ZNF385D: variants seen among roughly 807,000 people sequenced by gnomAD.
ZNF385D encodes the protein zinc finger protein 385D, also known as zinc finger protein 659.
Under a neutral mutation model 35.8 loss-of-function variants are expected in ZNF385D, and 15 were observed. The observed-to-expected ratio is 0.42, with a 90% CI of 0.28 to 0.64. The LOEUF is 0.64. ZNF385D is among the 30% of genes least tolerant of loss of function. ZNF385D has a pLI of 0.23. For missense variants in ZNF385D, 474 were observed against 494.6 expected (o/e 0.96, Z 0.39); for synonymous variants, 212 against 186.8 (o/e 1.13, Z -1.10).
chr3:21,564,707 C>A (rs762546800), intron 2 of ZNF385D, 23 bp from the exon 3 acceptor site: 20 of 1,431,732 alleles, frequency 1.4e-5, no homozygotes, highest in Non-Finnish European at 1.7e-5. Context: ...AAAAGAAATA[C>A]AACAAATAGA....
At chr3:22,127,115 CT>C (rs934590050) in intron 3 of ZNF385D, among the ~76,000 whole-genome samples, 3 of 151,830 alleles carry the variant, frequency 2.0e-5, no homozygotes, top group African/African-American at 4.8e-5. Context: ...TTAGGTCTTA[CT>C]TTTTATCCAT....
chr3:21,770,523 T>G (rs1437895947), intron 3 of ZNF385D, among the ~76,000 whole-genome samples: 2 of 152,026 alleles, frequency 1.3e-5, no homozygotes, highest in Non-Finnish European at 2.9e-5. Context: ...TAAATGCAAA[T>G]CAAAACCACA....
chr3:22,217,993 G>C (rs1036859122), intron 2 of ZNF385D, among the ~76,000 whole-genome samples: 1 of 152,080 alleles, frequency 6.6e-6, no homozygotes, highest in African/African-American at 2.4e-5. Context: ...ATAGGTTAAC[G>C]CTGAAAGGTT....
chr3:21,942,041 A>G (rs1314582252), intron 3 of ZNF385D, among the ~76,000 whole-genome samples: 1 of 152,146 alleles, frequency 6.6e-6, no homozygotes, highest in East Asian at 1.9e-4. Flanking sequence ...AATATATACA[A>G]CATACACATG....
At chr3:22,163,799 T>C (rs962964083) in intron 3 of ZNF385D, among the ~76,000 whole-genome samples, 1 of 152,194 alleles carries the variant, frequency 6.6e-6, no homozygotes, top group African/African-American at 2.4e-5. Flanking sequence ...TGGTGAAAAG[T>C]TTGTGAAGAT....
At chr3:22,295,380 G>A (rs1397203943) in intron 2 of ZNF385D, among the ~76,000 whole-genome samples, 3 of 152,142 alleles carry the variant, frequency 2.0e-5, no homozygotes, top group Non-Finnish European at 4.4e-5. Context: ...ACTGATGACA[G>A]TGCCACCTCA....
At chr3:21,930,530 T>A (rs950129687) in intron 3 of ZNF385D, among the ~76,000 whole-genome samples, 5 of 152,090 alleles carry the variant, frequency 3.3e-5, no homozygotes, top group Admixed American at 2.0e-4. Context: ...TCAGAAAATC[T>A]AAAATAATTT....
intron 2 of ZNF385D, among the ~76,000 whole-genome samples, chr3:21,627,094 A>T (rs1450878650): frequency 6.6e-6 from 1 of 151,796 alleles, no homozygotes; most frequent in Non-Finnish European, 1.5e-5. Context: ...TATAATTACA[A>T]GATTGTTTTC....
intron 3 of ZNF385D, among the ~76,000 whole-genome samples, chr3:21,949,102 A>C (rs73046353): frequency 6.6e-6 from 1 of 152,264 alleles, no homozygotes; most frequent in Non-Finnish European, 1.5e-5. Flanking sequence ...TAATACACTC[A>C]TTGTTCATTT....
At chr3:21,666,286 A>G (rs182575054) in intron 1 of ZNF385D, among the ~76,000 whole-genome samples, 13 of 152,336 alleles carry the variant, frequency 8.5e-5, no homozygotes, top group African/African-American at 3.1e-4. Flanking sequence ...CTAACAAGGT[A>G]GATGACTTAG....
At chr3:22,092,406 G>C (rs377445353) in intron 3 of ZNF385D, among the ~76,000 whole-genome samples, 2 of 152,138 alleles carry the variant, frequency 1.3e-5, no homozygotes, top group South Asian at 4.1e-4. Flanking sequence ...CAGGTATCCA[G>C]ACAGTGCTGA....
intron 2 of ZNF385D, among the ~76,000 whole-genome samples, chr3:21,632,966 C>T (rs2065323903): frequency 6.6e-6 from 1 of 151,834 alleles, no homozygotes; most frequent in South Asian, 2.1e-4. Flanking sequence ...TTTTTGTTAT[C>T]CATTTACTCT....
At chr3:21,840,338 A>G (rs1695586279) in intron 3 of ZNF385D, among the ~76,000 whole-genome samples, 1 of 152,044 alleles carries the variant, frequency 6.6e-6, no homozygotes, top group Non-Finnish European at 1.5e-5. Context: ...GAAGAGCTGG[A>G]GGCAAGTGGT....
At chr3:21,578,677 G>T (rs1178006057) in intron 2 of ZNF385D, among the ~76,000 whole-genome samples, 1 of 152,074 alleles carries the variant, frequency 6.6e-6, no homozygotes, top group African/African-American at 2.4e-5. Flanking sequence ...TCTCTATTCT[G>T]TTCCATTGGT....
intron 3 of ZNF385D, among the ~76,000 whole-genome samples, chr3:22,043,284 A>G (rs1169346761): frequency 6.6e-6 from 1 of 152,166 alleles, no homozygotes; most frequent in African/African-American, 2.4e-5. Flanking sequence ...TGTATGGTTC[A>G]AACACCGTCA....
chr3:21,716,154 T>C (rs879646854), intron 1 of ZNF385D, among the ~76,000 whole-genome samples: 6 of 152,178 alleles, frequency 3.9e-5, no homozygotes, highest in Admixed American at 6.5e-5. Flanking sequence ...ACCACTCTTA[T>C]ACGTGGCACC....
chr3:22,289,551 C>A (rs1218166762), intron 2 of ZNF385D, among the ~76,000 whole-genome samples: 1 of 152,156 alleles, frequency 6.6e-6, no homozygotes, highest in Non-Finnish European at 1.5e-5. Flanking sequence ...ACTGGGCATG[C>A]AAGCCTCTTG....
intron 2 of ZNF385D, among the ~76,000 whole-genome samples, chr3:22,223,948 C>T (rs1698407031): frequency 6.6e-6 from 1 of 152,058 alleles, no homozygotes; most frequent in South Asian, 2.1e-4. Context: ...TTTTATTCAC[C>T]ATCATACATG....
At chr3:21,750,159 T>C (rs1189164807) in intron 1 of ZNF385D, among the ~76,000 whole-genome samples, 1 of 152,222 alleles carries the variant, frequency 6.6e-6, no homozygotes, top group African/African-American at 2.4e-5. Context: ...GTTGCGGCGT[T>C]AGAGTGCAAA....
Sources: gnomAD v4.1 joint callset for allele counts (sites outside exome capture counted in the v4.1 genomes callset) on GRCh38, gnomAD v4.1.1 for gene constraint, MANE v1.5 for transcripts, NCBI Gene and HGNC (gene_info 2026-07-23, HGNC 2026-07-21) for gene names.